SGSH: variants seen among roughly 807,000 people sequenced by gnomAD.
The protein encoded by SGSH is N-sulfoglucosamine sulfohydrolase.
Under a neutral mutation model 51.0 loss-of-function variants are expected in SGSH, and 48 were observed. That is an observed-to-expected ratio of 0.94 (90% CI 0.75 to 1.20). The LOEUF (loss-of-function observed/expected upper bound fraction) is 1.20. Ranked by LOEUF, SGSH falls within the 50% of genes most tolerant of loss-of-function variation. The pLI, the probability that SGSH is intolerant of heterozygous loss-of-function variation, is 0.00. For missense variants in SGSH, 662 were observed against 717.8 expected (o/e 0.92, Z 0.89); for synonymous variants, 321 against 313.4 (o/e 1.02, Z -0.26).
At chr17:80,201,824 G>A (rs1216686510), downstream of SGSH, 1 of 1,614,100 alleles carries the variant, frequency 6.2e-7, no homozygotes, top group South Asian at 1.1e-5. The surrounding 1 kb of genome is among the most constrained non-coding windows in gnomAD (Gnocchi z 5.0). Flanking sequence ...GGCTTCTCAG[G>A]AGGGTGGACG....
Position 80,214,737 on chromosome 17 carries a change from C to T in SGSH, c.384G>A (p.Pro128=), listed in dbSNP as rs770944273. 100 of 1,612,642 alleles carry T rather than the reference C, an allele frequency of 6.2e-5. 1 individual carries two copies. The highest frequency in any genetic ancestry group is 2.3e-4 in the South Asian group (21 of 91,090). ...CAAAGTCAAACGGGTACACGGTCTC[C>T]GGCCCCACGTGCTTCTTCCCGATGA... ...TGIIGKKHVG[P]ETVYPFDFAY... The change falls in exon 4 of 8, where the codon CCG becomes CCA. Residue 128 remains proline (P), a synonymous_variant. Coordinates refer to ENST00000326317, the MANE Select transcript of SGSH (RefSeq NM_000199.5).
At chr17:80,204,813 C>T, downstream of SGSH, 1 of 505,546 alleles carries the variant, frequency 2.0e-6, no homozygotes. Context: ...CAAAGCAGTC[C>T]CTGGAGAGCC....
rs1412408576 is a variant in SGSH at position 80,210,716 on chromosome 17, G to GGTGC, written c.1241_1244dup (p.Thr416HisfsTer87). On this transcript the variant is annotated frameshift_variant, in exon 8 of 8. Coordinates refer to ENST00000326317, the MANE Select transcript of SGSH (RefSeq NM_000199.5). LOFTEE classifies it high-confidence loss of function. Reference sequence around the variant, plus strand: ...ACCAGCCCGTGGGCTGACCAGCTGTGGTGCGGTTCAGGAGGTCCTGGAAGG... The same window carrying GGTGC: ...ACCAGCCCGTGGGCTGACCAGCTGTGGTGCGTGCGGTTCAGGAGGTCCTGGAAGG... 5.0e-6 allele frequency: 8 copies of GGTGC among 1,613,988 alleles called. No individual in the cohort carries two copies. The highest frequency in any genetic ancestry group is 6.8e-6 in the Non-Finnish European group (8 of 1,180,040).
chr17:80,205,727 T>G, downstream of SGSH: 191 of 1,320,376 alleles, frequency 1.4e-4, no homozygotes, highest in Non-Finnish European at 1.8e-4. Flanking sequence ...GGGGATGAGA[T>G]AAAGGTACAG....
downstream of SGSH, chr17:80,205,839 G>A (rs2041270426): frequency 7.6e-6 from 4 of 526,720 alleles, no homozygotes; most frequent in South Asian, 1.2e-4. Flanking sequence ...CCACGTGACT[G>A]TGGGTGAGGT....
In SGSH at chr17:80,215,993, C is replaced by T. The variant is rs559683811; in HGVS notation, c.250-855G>A. 1.2e-4 allele frequency among the ~76,000 whole-genome samples: 18 copies of T among 151,960 alleles called. 1 individual carries two copies. In the South Asian group the frequency reaches 3.3e-3, roughly 28 times the overall value. On this transcript the variant is annotated intron_variant, in intron 2 of 7. Transcript: ENST00000326317. ...AGGGAAGTTCTGACTCGTGCTACAG[C>T]ATATGGTTAACCCTGAGGACATTGT...
downstream of SGSH, chr17:80,208,570 C>T (rs984677906): frequency 4.1e-6 from 2 of 493,018 alleles, no homozygotes; most frequent in Non-Finnish European, 7.1e-6. Context: ...TCACCCTTTA[C>T]CAGGCTTGGC....
chr17:80,214,127 C>T (rs2041790915), intron 5 of SGSH, 45 bp downstream of exon 5: 1 of 1,578,756 alleles, frequency 6.3e-7, no homozygotes, highest in South Asian at 1.2e-5. Flanking sequence ...GGGTCCCCGA[C>T]CCAGGGCTGA....
downstream of SGSH, chr17:80,205,494 G>C: frequency 6.4e-7 from 1 of 1,569,936 alleles, no homozygotes; most frequent in South Asian, 1.2e-5. Context: ...CCCCCACACA[G>C]CTGGTCTATG....
At chr17:80,204,154 A>G, downstream of SGSH, 5 of 1,441,360 alleles carry the variant, frequency 3.5e-6, no homozygotes, top group Non-Finnish European at 4.7e-6. Context: ...AGTGCCAATC[A>G]TCTCCCCTGA....
In SGSH at chr17:80,213,889, G is replaced by A; in HGVS notation, c.664-4C>T. ...TGTTGGGGACGAAGTAAGGCACCTG[G>A]GGCAGGCGGTGGGGAGCCAGGCTTA... is the stretch of plus-strand genomic sequence containing the variant. On this transcript the variant is annotated splice_polypyrimidine_tract_variant and splice_region_variant and intron_variant, in intron 5 of 7. Coordinates refer to ENST00000326317, the MANE Select transcript of SGSH (RefSeq NM_000199.5). The surrounding 1 kb of genome is among the most constrained non-coding windows in gnomAD (Gnocchi z 4.6). 1 of 1,604,858 alleles carries A rather than the reference G, an allele frequency of 6.2e-7. No homozygotes were observed. The highest frequency in any genetic ancestry group is 8.5e-7 in the Non-Finnish European group (1 of 1,178,652).
chr17:80,218,952 G>C (rs2042006102), intron 1 of SGSH, among the ~76,000 whole-genome samples: 1 of 152,094 alleles, frequency 6.6e-6, no homozygotes, highest in Admixed American at 6.5e-5. Flanking sequence ...TTGAGCCCAG[G>C]AGTTCGAGAC....
chr17:80,217,012 T>A lies in SGSH; in HGVS notation c.249+20A>T. On this transcript the variant is annotated intron_variant, in intron 2 of 7. Coordinates refer to ENST00000326317, the MANE Select transcript of SGSH (RefSeq NM_000199.5). ...TGTCTACTCCCTGCCCACCCCCTCC[T>A]CCCGCCCCTTGCACCTCACCTGGGG... 4 of 1,537,164 alleles carry A rather than the reference T, an allele frequency of 2.6e-6. No individual in the cohort carries two copies. Among genetic ancestry groups the A allele is most frequent in the Non-Finnish European group, 8.8e-7 (1 of 1,142,456 alleles).
downstream of SGSH, chr17:80,207,165 A>G: frequency 6.0e-6 from 6 of 1,003,110 alleles, no homozygotes; most frequent in Non-Finnish European, 9.1e-6. Context: ...GTGCCTCTGG[A>G]GTGTGCTCTG....
intron 2 of SGSH, among the ~76,000 whole-genome samples, chr17:80,216,290 C>T (rs1335772624): frequency 6.6e-6 from 1 of 151,784 alleles, no homozygotes; most frequent in Non-Finnish European, 1.5e-5. Context: ...GATCGCACCA[C>T]AGCACTCCAG....
At chr17:80,201,651 C>G in the SGSH span, 1 of 1,384,604 alleles carries the variant, frequency 7.2e-7, no homozygotes, top group Non-Finnish European at 1.0e-6. This position sits in a 1 kb window ranked among gnomAD's most constrained non-coding sequence, Gnocchi z 5.0. Flanking sequence ...AGGGCTGGCC[C>G]GCGCCTCGCC....
At chr17:80,218,551 C>T (rs2041981847) in intron 1 of SGSH, among the ~76,000 whole-genome samples, 1 of 152,206 alleles carries the variant, frequency 6.6e-6, no homozygotes, top group Non-Finnish European at 1.5e-5. Context: ...AGGCTGGGCA[C>T]CTTCCAGTTG....
In SGSH at chr17:80,214,653, C is replaced by A. The variant is rs780700374; in HGVS notation, c.468G>T (p.Lys156Asn). The A allele has an allele frequency of 2.9e-5, 47 of 1,613,380 alleles. No individual in the cohort carries two copies. Among genetic ancestry groups the A allele is most frequent in the Non-Finnish European group, 3.8e-5 (45 of 1,180,018 alleles). The change falls in exon 4 of 8, where the codon AAG (lysine) becomes AAT (asparagine). Residue 156 changes from lysine to asparagine, a missense_variant. Lys to Asn is a moderately conservative substitution (Grantham distance 94). Transcript: ENST00000326317. ...TCTGCAGGAATTTCCGGACGAGCAG[C>A]TTAATTCTAGTGATGTTCCGCCCCA... ...LQVGRNITRI[K>N]LLVRKFLQTQ...
chr17:80,209,397 C>A lies in SGSH; in HGVS notation c.*1055G>T. The A allele has an allele frequency of 1.0e-6, 1 of 985,482 alleles. No individual in the cohort carries two copies. The highest frequency in any genetic ancestry group is 1.2e-6 in the Non-Finnish European group (1 of 829,988). The allele number at this position is 985,482 out of a possible 1,614,324, so 61.0% of individuals were successfully genotyped here. A position where few individuals can be genotyped will look rare whatever the true frequency, so the allele number is the denominator to read the frequency against. ...GATAGGGAGGGAAGGGCAAGGGGAG[C>A]CCACCTACTCAAGGAAGCGCCCTCT... is the stretch of plus-strand genomic sequence containing the variant. On this transcript the variant is annotated 3_prime_UTR_variant, in exon 8 of 8. Coordinates refer to ENST00000326317, the MANE Select transcript of SGSH (RefSeq NM_000199.5).
Sources: gnomAD v4.1 joint callset for allele counts (sites outside exome capture counted in the v4.1 genomes callset) on GRCh38, gnomAD v4.1.1 for gene constraint, Gnocchi (gnomAD v3.1) non-coding constraint, MANE v1.5 for transcripts, NCBI Gene and HGNC (gene_info 2026-07-23, HGNC 2026-07-21) for gene names.